The following TTN variants were observed in gnomAD, a reference collection of about 807,000 sequenced individuals.
The protein encoded by TTN is connectin.
In TTN, 1,525 loss-of-function variants were observed where a neutral mutation model predicts 3,223.0. That is an observed-to-expected ratio of 0.47 (90% CI 0.45 to 0.49). The LOEUF (loss-of-function observed/expected upper bound fraction) is 0.49, where lower values mean the gene tolerates loss of function less well. TTN is among the 20% of genes least tolerant of loss of function. The pLI is 0.00. For synonymous variants in TTN, 14,094 were observed against 15,161.0 expected (o/e 0.93, Z 5.17); for missense variants, 40,786 against 43,424.0 (o/e 0.94, Z 5.40).
rs1156742693 is a variant in TTN at position 178,564,010 on chromosome 2, T to C, written c.82122A>G (p.Glu27374=). Residue 27374 remains glutamate (E), a synonymous_variant, in exon 326 of 363, where the codon GAA becomes GAG. Coordinates refer to ENST00000589042, the MANE Select transcript of TTN (RefSeq NM_001267550.2). ...TAACTCCAGTAACTTTCAGAGGCCC[T>C]TCAGGAGGCCCTGGCCTGTCAAGTA... The part of the protein sequence containing the change: ...VKVLDRPGPP[E]GPLKVTGVTA... 3 of 1,613,632 alleles carry C rather than the reference T, an allele frequency of 1.9e-6. No homozygotes were observed. Among genetic ancestry groups the C allele is most frequent in the African/African-American group, 2.7e-5 (2 of 74,898 alleles).
intron 150 of TTN, 136 bp downstream of exon 150, chr2:178,674,903 A>C (rs1020936003): frequency 8.6e-5 from 40 of 464,000 alleles, no homozygotes; most frequent in Non-Finnish European, 1.4e-4. Flanking sequence ...AATTTCTATT[A>C]GGTTAATAAT....
At chr2:178,803,575 G>A (rs1394958028) in intron 2 of TTN, among the ~76,000 whole-genome samples, 1 of 151,484 alleles carries the variant, frequency 6.6e-6, no homozygotes, top group African/African-American at 2.4e-5. Context: ...TTATGAATAA[G>A]ATTGGTGCAT....
rs1199626716 is a variant in TTN, at chr2:178,744,493, T to C, written c.11312-2572A>G. 3.5e-6 allele frequency: 3 copies of C among 860,892 alleles called. No individual in the cohort carries two copies. In the African/African-American group the frequency reaches 5.5e-5, roughly 16 times the overall value. The allele number at this position is 860,892 out of a possible 1,614,324, so 53.3% of individuals were successfully genotyped here. A position where few individuals can be genotyped will look rare whatever the true frequency, so the allele number is the denominator to read the frequency against. On this transcript the variant is annotated intron_variant, in intron 47 of 362. Coordinates refer to ENST00000589042, the MANE Select transcript of TTN (RefSeq NM_001267550.2). Reference sequence around the variant, plus strand: ...ATTAAGGAGTATGTTAATTTACTGTTATTTTAATTTTAAAAGACAAAATTA... The same window carrying C: ...ATTAAGGAGTATGTTAATTTACTGTCATTTTAATTTTAAAAGACAAAATTA...
intron 10 of TTN, among the ~76,000 whole-genome samples, chr2:178,791,659 G>A (rs1192688720): frequency 1.6e-5 from 2 of 128,952 alleles, no homozygotes; most frequent in African/African-American, 6.2e-5. Context: ...TGATGTATGT[G>A]TATATGTGTG....
At chr2:178,730,421 T>C (rs759637521) in intron 61 of TTN, 50 bp from the exon 62 acceptor site, 5 of 1,552,544 alleles carry the variant, frequency 3.2e-6, no homozygotes, top group Middle Eastern at 1.7e-4. Flanking sequence ...TTTTATTTTA[T>C]AACTTAGCAA....
chr2:178,716,963 T>C (rs1453822884), intron 88 of TTN, 132 bp downstream of exon 88: 2 of 992,302 alleles, frequency 2.0e-6, no homozygotes, highest in African/African-American at 3.2e-5. Context: ...GGAAGGTCCT[T>C]GATCCACTTG....
intron 41 of TTN, among the ~76,000 whole-genome samples, chr2:178,765,123 C>T (rs1198133994): frequency 2.0e-5 from 3 of 152,098 alleles, no homozygotes; most frequent in Non-Finnish European, 4.4e-5. Context: ...GCGATGGACA[C>T]CTGAATGAAT....
At chr2:178,647,536 G>T (rs2062214187) in intron 213 of TTN, 72 bp from the exon 214 acceptor site, 1 of 1,407,720 alleles carries the variant, frequency 7.1e-7, no homozygotes, top group South Asian at 1.3e-5. Context: ...AGCAGGCAAA[G>T]AATGCAGGGG....
chr2:178,707,055 G>A, intron 100 of TTN, 101 bp from the exon 101 acceptor site: 2 of 977,802 alleles, frequency 2.0e-6, no homozygotes, highest in Non-Finnish European at 1.5e-6. Flanking sequence ...AGTTTGATAA[G>A]TAAGTACTGC....
Position 178,717,679 on chromosome 2 carries a change from G to C in TTN, c.25195C>G (p.Leu8399Val), listed in dbSNP as rs375788467. The C allele has an allele frequency of 6.8e-6, 11 of 1,613,326 alleles. No individual in the cohort carries two copies. In the African/African-American group the frequency reaches 1.1e-4, roughly 16 times the overall value. The change falls in exon 87 of 363, where the codon CTT (leucine) becomes GTT (valine). Residue 8399 changes from leucine (L) to valine (V), a missense_variant. By Grantham distance (32) the Leu-to-Val change is conservative (BLOSUM62 1). Coordinates refer to ENST00000589042, the MANE Select transcript of TTN (RefSeq NM_001267550.2). The stretch of plus-strand genomic sequence containing the variant: ...TGCAAATTAGCATCATCTTTCAAAA[G>C]AACCCCATCCTTGTACCAAGACACT... ...LQVSWYKDGV[L>V]LKDDANLQTS...
chr2:178,799,564 C>T lies in TTN; in HGVS notation c.837G>A (p.Arg279=). Reference sequence around the variant, plus strand: ...GTCTTATGGGCGATGGGGACTGCTGCCGAGCCAGCTGTGCTTTGGCAGCAA... The same window carrying T: ...GTCTTATGGGCGATGGGGACTGCTGTCGAGCCAGCTGTGCTTTGGCAGCAA... ...PSIAAKAQLA[R]QQSPSPIRHS... is the part of the protein sequence containing the mutation. Residue 279 remains arginine, a synonymous_variant, in exon 6 of 363, where the codon CGG becomes CGA. Coordinates refer to ENST00000589042, the MANE Select transcript of TTN (RefSeq NM_001267550.2). 1 of 1,614,142 alleles carries T rather than the reference C, an allele frequency of 6.2e-7. No individual in the cohort carries two copies. Among genetic ancestry groups the T allele is most frequent in the Non-Finnish European group, 8.5e-7 (1 of 1,180,006 alleles).
At position 178,674,444 on chromosome 2, in the gene TTN, A is replaced by G. The variant is rs904381840; in HGVS notation, c.34613-35T>C. 11 of 1,280,580 alleles carry G rather than the reference A, an allele frequency of 8.6e-6. No individual in the cohort carries two copies. In the Admixed American group the frequency reaches 1.0e-4, roughly 12 times the overall value. 79.3% of individuals were successfully genotyped at this position (1,280,580 alleles called of 1,614,324 possible). On this transcript the variant is annotated intron_variant, in intron 150 of 362. Coordinates refer to ENST00000589042, the MANE Select transcript of TTN (RefSeq NM_001267550.2). ...GATTATTATTTTGTAAATTATTTTT[A>G]TAATTATTTTGAATATTAGACTACA...
At position 178,712,502 on chromosome 2, in the gene TTN, G is replaced by GGGA; in HGVS notation, c.27417_27419dup (p.Pro9140dup). ...CATTTTTCTTCCAGGTAACCGAAAT[G>GGGA]GGAGGAGTTCCAGTGAATGTACCCT... On this transcript the variant is annotated inframe_insertion, in exon 95 of 363. Coordinates refer to ENST00000589042, the MANE Select transcript of TTN (RefSeq NM_001267550.2). 6.2e-7 allele frequency: 1 copy of GGGA among 1,613,758 alleles called. No homozygotes were observed. The highest frequency in any genetic ancestry group is 8.5e-7 in the Non-Finnish European group (1 of 1,179,778).
intron 99 of TTN, among the ~76,000 whole-genome samples, chr2:178,708,502 A>C (rs548453550): frequency 6.6e-6 from 1 of 152,184 alleles, no homozygotes; most frequent in Non-Finnish European, 1.5e-5. Flanking sequence ...AGAAAGAATA[A>C]GGCCATTTTT....
chr2:178,695,932 CCCTTCGTCATAG>C lies in TTN; in HGVS notation c.31128_31139del (p.Tyr10377_Gly10380del). On this transcript the variant is annotated inframe_deletion, in exon 114 of 363. Coordinates refer to ENST00000589042, the MANE Select transcript of TTN (RefSeq NM_001267550.2). ...GGTAAGCCTCTTCCCACTCTTCCTC[CCCTTCGTCATAG>C]CCTTCTTCCCTTTCATAGTATTCTT... 1 of 1,501,586 alleles carries C rather than the reference CCCTTCGTCATAG, an allele frequency of 6.7e-7. No homozygotes were observed. 93.0% of individuals were successfully genotyped at this position (1,501,586 alleles called of 1,614,324 possible).
rs1480393355 is a variant in TTN at position 178,566,633 on chromosome 2, G to A, written c.79499C>T (p.Thr26500Ile). The A allele has an allele frequency of 2.5e-6, 4 of 1,612,654 alleles. No individual in the cohort carries two copies. Among genetic ancestry groups the A allele is most frequent in the East Asian group, 2.2e-5 (1 of 44,850 alleles). ...PPTNAHIVDTTKNSITLAWGK... is the reference protein window; with the variant it reads ...PPTNAHIVDTIKNSITLAWGK... ...CCAGGCAAGTGTGATTGAATTTTTAGTGGTGTCTACAATGTGTGCATTGGT... is the reference window on the plus strand; with the variant it reads ...CCAGGCAAGTGTGATTGAATTTTTAATGGTGTCTACAATGTGTGCATTGGT... Residue 26500 changes from threonine (T) to isoleucine (I), a missense_variant, in exon 326 of 363, where the codon ACT becomes ATT. Transcript: ENST00000589042.
At chr2:178,670,196 A>T in intron 157 of TTN, 22 bp downstream of exon 157, 1 of 1,410,922 alleles carries the variant, frequency 7.1e-7, no homozygotes, top group Non-Finnish European at 9.3e-7. Flanking sequence ...TATATTAATG[A>T]TGAATGAGAA....
chr2:178,557,610 A>G (rs547452183), intron 328 of TTN, 38 bp downstream of exon 328: 21 of 1,612,590 alleles, frequency 1.3e-5, no homozygotes, highest in African/African-American at 9.4e-5. Flanking sequence ...ATTTATGGTA[A>G]AAGAAAACCT....
chr2:178,583,797 T>C lies in TTN; in HGVS notation c.65385A>G (p.Glu21795=), dbSNP rs1183435312. ...GGSKIIGYFV[E]ACKLPGDKWV... ...ATTTATCACCAGGAAGTTTGCAAGC[T>C]TCTACGAAATAGCCAATAATTTTAC... Residue 21795 remains glutamate, a synonymous_variant, in exon 312 of 363, where the codon GAA becomes GAG. Coordinates refer to ENST00000589042, the MANE Select transcript of TTN (RefSeq NM_001267550.2). 4 of 1,610,364 alleles carry C rather than the reference T, an allele frequency of 2.5e-6. No individual in the cohort carries two copies. The Admixed American group carries it at 5.0e-5, about 20-fold the overall frequency.
Sources: gnomAD v4.1 joint callset for allele counts (sites outside exome capture counted in the v4.1 genomes callset) on GRCh38, gnomAD v4.1.1 for gene constraint, MANE v1.5 for transcripts, NCBI Gene and HGNC (gene_info 2026-07-23, HGNC 2026-07-21) for gene names.